ADAMTS16: variants seen among roughly 807,000 people sequenced by gnomAD.
ADAMTS16 encodes the protein A disintegrin and metalloproteinase with thrombospondin motifs 16.
In ADAMTS16, 94 loss-of-function variants were observed where a neutral mutation model predicts 145.8. The ratio of observed to expected loss-of-function variants is 0.64; its 90% CI spans 0.55 to 0.77. The LOEUF is 0.77. Ranked by LOEUF, ADAMTS16 falls within the 30% of genes least tolerant of loss-of-function variation. The pLI, the probability that ADAMTS16 is intolerant of heterozygous loss-of-function variation, is 0.00. For synonymous variants in ADAMTS16, 659 were observed against 604.3 expected (o/e 1.09, Z -1.33); for missense variants, 1,585 against 1,591.5 (o/e 1.00, Z 0.07).
At chr5:5,207,477 A>G (rs1736159464) in intron 9 of ADAMTS16, among the ~76,000 whole-genome samples, 2 of 152,156 alleles carry the variant, frequency 1.3e-5, no homozygotes, top group African/African-American at 4.8e-5. Flanking sequence ...CATGTCATCT[A>G]TGAACAAAGA....
chr5:5,165,131 C>G (rs986363706), intron 3 of ADAMTS16, among the ~76,000 whole-genome samples: 5 of 152,110 alleles, frequency 3.3e-5, no homozygotes, highest in Non-Finnish European at 7.4e-5. Flanking sequence ...CACCCCAGCC[C>G]CAGCAACCAC....
intron 17 of ADAMTS16, among the ~76,000 whole-genome samples, chr5:5,251,047 C>A (rs968968492): frequency 1.3e-5 from 2 of 152,030 alleles, no homozygotes; most frequent in African/African-American, 4.8e-5. Flanking sequence ...CAAGCCTGCC[C>A]GGGGCGTCAG....
At chr5:5,176,727 A>G (rs184879662) in intron 3 of ADAMTS16, among the ~76,000 whole-genome samples, 1 of 152,304 alleles carries the variant, frequency 6.6e-6, no homozygotes, top group East Asian at 1.9e-4. Flanking sequence ...GCATTCTTAA[A>G]TTATACTATT....
Position 5,320,066 on chromosome 5 carries a change from G to T in ADAMTS16, c.*928G>T, listed in dbSNP as rs917785208. ...CCTTAGAGTCCTGTGTTTTGTTTTTGTGTGTTGTGAGATTTTAATCTTTTT... is the reference window on the plus strand; with the variant it reads ...CCTTAGAGTCCTGTGTTTTGTTTTTTTGTGTTGTGAGATTTTAATCTTTTT... On this transcript the variant is annotated 3_prime_UTR_variant, in exon 23 of 23. Coordinates refer to ENST00000274181, the MANE Select transcript of ADAMTS16 (RefSeq NM_139056.4). This position sits in a 1 kb window ranked among gnomAD's most constrained non-coding sequence, Gnocchi z 5.1. The T allele has an allele frequency of 2.8e-6, 1 of 352,194 alleles. No homozygotes were observed. Among genetic ancestry groups the T allele is most frequent in the Non-Finnish European group, 5.3e-6 (1 of 189,182 alleles). 21.8% of individuals were successfully genotyped at this position (352,194 alleles called of 1,614,324 possible).
chr5:5,208,559 C>T (rs1304833967), intron 9 of ADAMTS16, among the ~76,000 whole-genome samples: 1 of 152,180 alleles, frequency 6.6e-6, no homozygotes, highest in East Asian at 1.9e-4. Context: ...AGAAATCATC[C>T]TGAGCACAGA....
intron 16 of ADAMTS16, among the ~76,000 whole-genome samples, chr5:5,241,499 G>A (rs1237326551): frequency 6.6e-6 from 1 of 152,194 alleles, no homozygotes; most frequent in Non-Finnish European, 1.5e-5. Flanking sequence ...ACTTTGGTCA[G>A]GCATGGATCA....
Position 5,150,715 on chromosome 5 carries a change from C to T in ADAMTS16, c.501+4260C>T, listed in dbSNP as rs940078963. 1.4e-4 allele frequency among the ~76,000 whole-genome samples: 22 copies of T among 152,306 alleles called. 1 individual carries two copies. The highest frequency in any genetic ancestry group is 7.2e-4 in the Admixed American group (11 of 15,304). On this transcript the variant is annotated intron_variant, in intron 3 of 22. Transcript: ENST00000274181. ...CACATTTTGCAGTCATTCTTGAGAA[C>T]GGCAAGGAAGAAAATGGGGAGGACT...
intron 18 of ADAMTS16, among the ~76,000 whole-genome samples, chr5:5,266,481 G>T (rs555465132): frequency 1.3e-5 from 2 of 152,354 alleles, no homozygotes; most frequent in African/African-American, 4.8e-5. Flanking sequence ...CCGCCCTACC[G>T]CATGGGGAGA....
intron 3 of ADAMTS16, among the ~76,000 whole-genome samples, chr5:5,172,336 G>A (rs868798842): frequency 6.6e-6 from 1 of 151,698 alleles, no homozygotes; most frequent in Non-Finnish European, 1.5e-5. Context: ...TGCACCATTA[G>A]GTTGTTTATT....
intron 6 of ADAMTS16, among the ~76,000 whole-genome samples, chr5:5,188,381 G>T (rs1309956312): frequency 6.6e-6 from 1 of 152,214 alleles, no homozygotes; most frequent in Non-Finnish European, 1.5e-5. Context: ...GTAGCAGTGG[G>T]TTAAAGATCC....
chr5:5,200,107 ATCTC>A, intron 8 of ADAMTS16, 21 bp from the exon 9 acceptor site: 3 of 1,447,036 alleles, frequency 2.1e-6, no homozygotes, highest in South Asian at 2.6e-5. Flanking sequence ...TGAAAGAACC[ATCTC>A]TCTCTCTCTC....
rs558550017 is a variant in ADAMTS16, at chr5:5,181,831, G to T, written c.502-213G>T. On this transcript the variant is annotated intron_variant, in intron 3 of 22. Coordinates refer to ENST00000274181, the MANE Select transcript of ADAMTS16 (RefSeq NM_139056.4). Reference sequence around the variant, plus strand: ...CAGCTCCACGCCAGCCTTTCTCCAGGTATGCAGAGCCAGAGAGCTCAGACT... The same window carrying T: ...CAGCTCCACGCCAGCCTTTCTCCAGTTATGCAGAGCCAGAGAGCTCAGACT... Among the ~76,000 whole-genome samples, 12 of 152,256 alleles carry T rather than the reference G, an allele frequency of 7.9e-5. No individual in the cohort carries two copies. The South Asian group carries it at 2.5e-3, about 32-fold the overall frequency.
At chr5:5,180,504 C>T (rs1735311223) in intron 3 of ADAMTS16, among the ~76,000 whole-genome samples, 1 of 152,190 alleles carries the variant, frequency 6.6e-6, no homozygotes, top group African/African-American at 2.4e-5. Context: ...GTATAATCTT[C>T]TTGCATCCCT....
intron 3 of ADAMTS16, among the ~76,000 whole-genome samples, chr5:5,169,958 T>C (rs1735002878): frequency 6.6e-6 from 1 of 152,248 alleles, no homozygotes; most frequent in Non-Finnish European, 1.5e-5. Flanking sequence ...CATTTGTTTT[T>C]TGATGGACAT....
intron 9 of ADAMTS16, among the ~76,000 whole-genome samples, chr5:5,208,555 C>A (rs1320019155): frequency 6.6e-6 from 1 of 152,206 alleles, no homozygotes; most frequent in Non-Finnish European, 1.5e-5. Context: ...CATCAGAAAT[C>A]ATCCTGAGCA....
intron 8 of ADAMTS16, among the ~76,000 whole-genome samples, chr5:5,193,138 A>AGTGTGTGTGTGTGT (rs146798284): frequency 1.3e-5 from 2 of 150,578 alleles, no homozygotes; most frequent in African/African-American, 4.9e-5. Flanking sequence ...TGTTCAAAGC[A>AGTGTGTGTGTGTGT]GTGTGTGTGT....
intron 18 of ADAMTS16, among the ~76,000 whole-genome samples, chr5:5,266,328 C>T (rs1486039946): frequency 6.6e-6 from 1 of 152,114 alleles, no homozygotes; most frequent in Non-Finnish European, 1.5e-5. Flanking sequence ...ATAGTTGGGA[C>T]ACCCCTGAAG....
chr5:5,297,074 T>C (rs1378985891), intron 18 of ADAMTS16, among the ~76,000 whole-genome samples: 1 of 152,136 alleles, frequency 6.6e-6, no homozygotes, highest in Non-Finnish European at 1.5e-5. Flanking sequence ...GGACTGGCAG[T>C]AAAATGTGCA....
rs192720257 is a variant in ADAMTS16 at position 5,180,825 on chromosome 5, A to G, written c.502-1219A>G. 2.8e-3 allele frequency among the ~76,000 whole-genome samples: 423 copies of G among 152,206 alleles called. 1 individual carries two copies. The highest frequency in any genetic ancestry group is 0.01 in the Middle Eastern group (3 of 294). On this transcript the variant is annotated intron_variant, in intron 3 of 22. Transcript: ENST00000274181. ...CATTACTGAATCATTCTACATCTCT[A>G]TTTCCTCACCCATAAAAAGGGGGCA...
Sources: allele counts gnomAD v4.1 joint callset (sites outside exome capture counted in the v4.1 genomes callset), GRCh38; gene constraint gnomAD v4.1.1; non-coding constraint Gnocchi (gnomAD v3.1); transcripts MANE v1.5; gene names NCBI Gene and HGNC (gene_info 2026-07-23, HGNC 2026-07-21).